ROS1: variants seen among roughly 807,000 people sequenced by gnomAD.
ROS1 encodes the protein proto-oncogene tyrosine-protein kinase ROS.
ROS1 carries 263 observed loss-of-function variants against 273.5 expected under a neutral mutation model. That is an observed-to-expected ratio of 0.96 (90% CI 0.87 to 1.06). The LOEUF is 1.06. Among genes scored for constraint, ROS1 ranks in the 50% least tolerant of loss-of-function variants. The pLI is 0.00. For synonymous variants in ROS1, 1,008 were observed against 954.1 expected (o/e 1.06, Z -1.04); for missense variants, 2,833 against 2,751.1 (o/e 1.03, Z -0.67).
intron 27 of ROS1, among the ~76,000 whole-genome samples, chr6:117,352,120 G>A (rs112736875): frequency 1.4e-4 from 22 of 152,178 alleles, no homozygotes; most frequent in South Asian, 4.2e-4. Context: ...TCGCTCAGTC[G>A]CCCAGGCTGG....
intron 34 of ROS1, 127 bp downstream of exon 34, chr6:117,326,097 A>ATATATATATATATT (rs1776619906): frequency 2.7e-5 from 2 of 73,186 alleles, no homozygotes; most frequent in African/African-American, 1.1e-4. Flanking sequence ...AAGATTATAT[A>ATATATATATATATT]TATATATATA....
At position 117,362,781 on chromosome 6, in the gene ROS1, C is replaced by T; in HGVS notation, c.3188G>A (p.Arg1063Lys). Residue 1063 changes from arginine to lysine, a missense_variant, in exon 22 of 44, where the codon AGG (arginine) becomes AAG (lysine). By Grantham distance (26) the Arg-to-Lys change is conservative. Coordinates refer to ENST00000368507, the MANE Select transcript of ROS1 (RefSeq NM_001378902.1). ...ATTTTCATGCTTAGGTTTGTTCCAC[C>T]TAAATTCCACCACAACTTCATTCTT... Reference protein sequence around the residue: ...CNKNEVVVEFRWNKPKHENGV... With the variant: ...CNKNEVVVEFKWNKPKHENGV... 1.2e-6 allele frequency: 2 copies of T among 1,613,686 alleles called. No individual in the cohort carries two copies. Among genetic ancestry groups the T allele is most frequent in the South Asian group, 2.2e-5 (2 of 91,052 alleles).
intron 13 of ROS1, among the ~76,000 whole-genome samples, chr6:117,388,750 T>C (rs1772804368): frequency 6.6e-6 from 1 of 152,216 alleles, no homozygotes; most frequent in African/African-American, 2.4e-5. Context: ...CTAGATACTG[T>C]TCTAAGTGCT....
At chr6:117,296,398 C>CAA (rs35151095) in intron 43 of ROS1, among the ~76,000 whole-genome samples, 258 of 146,462 alleles carry the variant, frequency 1.8e-3, no homozygotes, top group African/African-American at 4.8e-3. Context: ...GAGACTGTCT[C>CAA]AAAAAAAAAA....
Position 117,416,302 on chromosome 6 carries a change from G to T in ROS1, c.184C>A (p.His62Asn). The change falls in exon 3 of 44, where the codon CAC becomes AAC. Residue 62 changes from histidine (H) to asparagine (N), a missense_variant. By Grantham distance (68) the His-to-Asn change is moderately conservative (BLOSUM62 1). Coordinates refer to ENST00000368507, the MANE Select transcript of ROS1 (RefSeq NM_001378902.1). The stretch of plus-strand genomic sequence containing the variant: ...TTCTGATCTACAGAGTTCCAAAAGT[G>T]ACATCCTTGGATACACTGCAAGAGA... ...NLSEPCIQGC[H>N]FWNSVDQKNC... The T allele has an allele frequency of 6.2e-7, 1 of 1,602,346 alleles. No homozygotes were observed. The highest frequency in any genetic ancestry group is 1.1e-5 in the South Asian group (1 of 90,792).
chr6:117,382,913 AAC>A (rs1166786302), intron 17 of ROS1, among the ~76,000 whole-genome samples: 1 of 152,158 alleles, frequency 6.6e-6, no homozygotes, highest in South Asian at 2.1e-4. Context: ...CAGTTTTTAA[AAC>A]AGTCAGTGCC....
At chr6:117,406,847 A>G (rs999400887) in intron 5 of ROS1, among the ~76,000 whole-genome samples, 20 of 152,188 alleles carry the variant, frequency 1.3e-4, no homozygotes, top group African/African-American at 3.4e-4. Context: ...TTGCATGCTA[A>G]TGGGGCCTGT....
intron 12 of ROS1, among the ~76,000 whole-genome samples, chr6:117,390,429 G>C (rs909711208): frequency 1.3e-5 from 2 of 152,136 alleles, no homozygotes; most frequent in African/African-American, 4.8e-5. Context: ...CCCTGGCCAG[G>C]AAGGGTCTTT....
At chr6:117,423,728 C>T (rs1435015798) in intron 1 of ROS1, among the ~76,000 whole-genome samples, 1 of 151,172 alleles carries the variant, frequency 6.6e-6, no homozygotes, top group Middle Eastern at 3.2e-3. Flanking sequence ...AAACATTTCT[C>T]AATATCAAGA....
intron 27 of ROS1, among the ~76,000 whole-genome samples, chr6:117,349,918 TAATATA>T (rs1403532915): frequency 1.3e-5 from 2 of 151,998 alleles, no homozygotes; most frequent in East Asian, 1.9e-4. Context: ...TCATTTTGCT[TAATATA>T]AATATAAATA....
chr6:117,313,799 T>C (rs1012303064), intron 39 of ROS1, among the ~76,000 whole-genome samples: 1 of 152,060 alleles, frequency 6.6e-6, no homozygotes, highest in African/African-American at 2.4e-5. Context: ...GCACTCCATG[T>C]GGGGAGAGGC....
At chr6:117,409,790 A>G (rs536408554) in intron 4 of ROS1, 148 bp from the exon 5 acceptor site, 16 of 660,132 alleles carry the variant, frequency 2.4e-5, no homozygotes, top group Admixed American at 6.6e-5. Flanking sequence ...GGAGTGCCTA[A>G]TACGCAAGTA....
chr6:117,333,069 A>T (rs569365841), intron 32 of ROS1, among the ~76,000 whole-genome samples: 79 of 151,924 alleles, frequency 5.2e-4, no homozygotes, highest in African/African-American at 9.6e-4. Flanking sequence ...CGTTTTTTTT[A>T]AAAAATAAAA....
At chr6:117,309,432 C>T (rs1775366689) in intron 41 of ROS1, among the ~76,000 whole-genome samples, 1 of 152,134 alleles carries the variant, frequency 6.6e-6, no homozygotes, top group Admixed American at 6.5e-5. Flanking sequence ...AAAAACATTT[C>T]AGCATTTTCC....
chr6:117,356,720 T>C lies in ROS1; in HGVS notation c.4035A>G (p.Pro1345=), dbSNP rs1582721701. The change falls in exon 26 of 44, where the codon CCA becomes CCG. Residue 1345 remains proline, a synonymous_variant. Coordinates refer to ENST00000368507, the MANE Select transcript of ROS1 (RefSeq NM_001378902.1). ...CTTGTGCTTTGGCAAAGTATATCAATGGTTTCTCTAGGTTAGAGGTATCAA... is the reference window on the plus strand; with the variant it reads ...CTTGTGCTTTGGCAAAGTATATCAACGGTTTCTCTAGGTTAGAGGTATCAA... ...MAIDTSNLEK[P]LIYFAKAQEI... 1.9e-6 allele frequency: 3 copies of C among 1,614,188 alleles called. No homozygotes were observed. The highest frequency in any genetic ancestry group is 2.5e-6 in the Non-Finnish European group (3 of 1,180,020).
chr6:117,393,718 C>G (rs1773258113), intron 11 of ROS1, among the ~76,000 whole-genome samples: 1 of 152,070 alleles, frequency 6.6e-6, no homozygotes, highest in Non-Finnish European at 1.5e-5. Flanking sequence ...TCCTTATGCA[C>G]CACCACCACC....
chr6:117,344,022 T>C (rs1778164800), intron 28 of ROS1, 38 bp downstream of exon 28: 9 of 1,518,288 alleles, frequency 5.9e-6, no homozygotes, highest in Non-Finnish European at 8.2e-6. Context: ...AAAAAGAACA[T>C]CTTGTGAAAA....
chr6:117,405,398 G>T (rs1486406238), intron 5 of ROS1, among the ~76,000 whole-genome samples: 3 of 152,200 alleles, frequency 2.0e-5, no homozygotes, highest in South Asian at 2.1e-4. Flanking sequence ...GTCCATTTTT[G>T]ACTATTATAA....
intron 26 of ROS1, among the ~76,000 whole-genome samples, chr6:117,356,042 T>C (rs929145378): frequency 1.3e-5 from 2 of 152,200 alleles, no homozygotes; most frequent in East Asian, 3.8e-4. Context: ...TACTCCTAAT[T>C]AGGAGACTTC....
Sources: gnomAD v4.1 joint callset for allele counts (sites outside exome capture counted in the v4.1 genomes callset) on GRCh38, gnomAD v4.1.1 for gene constraint, MANE v1.5 for transcripts, NCBI Gene and HGNC (gene_info 2026-07-23, HGNC 2026-07-21) for gene names.